The following OVCH2 variants were observed in gnomAD, a reference collection of about 807,000 sequenced individuals.
The protein encoded by OVCH2 is ovochymase 2.
In OVCH2, 88 loss-of-function variants were observed where a neutral mutation model predicts 73.7. The ratio of observed to expected loss-of-function variants is 1.19; its 90% confidence interval spans 1.01 to 1.43. The LOEUF (loss-of-function observed/expected upper bound fraction) is 1.43, where lower values mean the gene tolerates loss of function less well. Ranked by LOEUF, OVCH2 falls within the 40% of genes most tolerant of loss-of-function variation. OVCH2 has a pLI of 0.00. For synonymous variants in OVCH2, 265 were observed against 234.5 expected (o/e 1.13, Z -1.19); for missense variants, 706 against 674.5 (o/e 1.05, Z -0.52).
downstream of OVCH2, among the ~76,000 whole-genome samples, chr11:7,686,984 T>G (rs1856148625): frequency 6.6e-6 from 1 of 151,992 alleles, no homozygotes; most frequent in South Asian, 2.1e-4. Context: ...TCCTTAGAAT[T>G]CCTGGAGAGA....
chr11:7,695,316 G>A, intron 11 of OVCH2, 128 bp from the exon 12 acceptor site: 1 of 1,220,370 alleles, frequency 8.2e-7, no homozygotes, highest in Non-Finnish European at 1.1e-6. Flanking sequence ...AACAAGAAAA[G>A]ACGTAGTGCA....
At position 7,696,492 on chromosome 11, in the gene OVCH2, T is replaced by C. The variant is rs745400380; in HGVS notation, c.1114A>G (p.Met372Val). The C allele has an allele frequency of 1.9e-6, 3 of 1,614,004 alleles. No individual in the cohort carries two copies. The highest frequency in any genetic ancestry group is 2.2e-5 in the East Asian group (1 of 44,886). The change falls in exon 10 of 16, where the codon ATG becomes GTG. Residue 372 changes from methionine to valine, a missense_variant. By Grantham distance (21) the Met-to-Val change is conservative. Coordinates refer to ENST00000533663, the MANE Select transcript of OVCH2 (RefSeq NM_198185.7). ...ATGGGTCTGTCTTCTAAAGAATACA[T>C]TGACAGGTAACTGTGGTGACAAGAC... ...VESCHHSYLSMYSLEDRPIGK... is the reference protein window; with the variant it reads ...VESCHHSYLSVYSLEDRPIGK...
intron 7 of OVCH2, 99 bp from the exon 8 acceptor site, chr11:7,698,872 C>A: frequency 8.0e-7 from 1 of 1,252,054 alleles, no homozygotes; most frequent in South Asian, 1.4e-5. Context: ...ATTTTTAAGT[C>A]AATATGCAAC....
chr11:7,699,076 T>C (rs555086549), intron 7 of OVCH2: 2 of 296,754 alleles, frequency 6.7e-6, no homozygotes, highest in South Asian at 4.4e-5. Flanking sequence ...AGTTTGTCCA[T>C]AACTATAAAA....
intron 6 of OVCH2, 40 bp from the exon 7 acceptor site, chr11:7,700,525 G>A: frequency 6.5e-7 from 1 of 1,550,370 alleles, no homozygotes; most frequent in Non-Finnish European, 8.7e-7. Context: ...CACTGTCAGT[G>A]TCTATGCCCC....
the OVCH2 span, among the ~76,000 whole-genome samples, chr11:7,683,195 C>T: frequency 6.6e-6 from 1 of 152,166 alleles, no homozygotes; most frequent in Non-Finnish European, 1.5e-5. Context: ...TCCAACTGCC[C>T]ACTTGACATA....
chr11:7,695,588 T>A lies in OVCH2; in HGVS notation c.1264A>T (p.Lys422Ter). The A allele has an allele frequency of 6.2e-7, 1 of 1,613,708 alleles. No homozygotes were observed. Among genetic ancestry groups the A allele is most frequent in the Non-Finnish European group, 8.5e-7 (1 of 1,179,702 alleles). The change falls in exon 11 of 16, where the codon AAA becomes TAA. Residue 422 changes from lysine (K) to a stop codon, truncating the protein, a stop_gained. Coordinates refer to ENST00000533663, the MANE Select transcript of OVCH2 (RefSeq NM_198185.7). LOFTEE classifies it high-confidence loss of function. ...GTTTTACCAGGAATGTAGTTTGGTT[T>A]AAGAGCTTTATAGGTAAGATTAAAC... is the stretch of plus-strand genomic sequence containing the variant. ...AGFNLTYKAL[K>*]PNYIPDSGCS...
At chr11:7,691,559 A>G (rs946267228) in intron 13 of OVCH2, among the ~76,000 whole-genome samples, 159 bp from the exon 14 acceptor site, 3 of 152,214 alleles carry the variant, frequency 2.0e-5, no homozygotes, top group African/African-American at 2.4e-5. Flanking sequence ...TCCTTAATTA[A>G]CCCCATGACA....
the OVCH2 span, among the ~76,000 whole-genome samples, chr11:7,682,867 T>C: frequency 3.4e-4 from 52 of 152,342 alleles, no homozygotes; most frequent in African/African-American, 1.2e-3. Flanking sequence ...TTGTCTACAC[T>C]TGCAATCTCT....
At chr11:7,693,456 T>C (rs2136152527) in intron 12 of OVCH2, among the ~76,000 whole-genome samples, 1 of 152,336 alleles carries the variant, frequency 6.6e-6, no homozygotes, top group East Asian at 1.9e-4. Flanking sequence ...TGCAAAATGA[T>C]GCTGTCACTG....
At chr11:7,686,182 G>T (rs1856140090), downstream of OVCH2, among the ~76,000 whole-genome samples, 1 of 152,200 alleles carries the variant, frequency 6.6e-6, no homozygotes, top group African/African-American at 2.4e-5. Context: ...GAGGTATGAA[G>T]TCCTGCTCCA....
chr11:7,699,312 A>T (rs1856391886), intron 7 of OVCH2: 1 of 155,404 alleles, frequency 6.4e-6, no homozygotes, highest in Non-Finnish European at 1.4e-5. Flanking sequence ...TCAGTTTATC[A>T]CAAGGGTGTA....
At chr11:7,686,489 G>C (rs908749603), downstream of OVCH2, among the ~76,000 whole-genome samples, 2 of 152,172 alleles carry the variant, frequency 1.3e-5, no homozygotes. Flanking sequence ...GAACAAGCAA[G>C]TACTACCTAT....
downstream of OVCH2, among the ~76,000 whole-genome samples, chr11:7,688,561 T>C (rs1055744711): frequency 1.3e-5 from 2 of 152,178 alleles, no homozygotes; most frequent in Admixed American, 6.5e-5. Context: ...CTTTCATCCC[T>C]TCTTATGAAA....
At position 7,689,971 on chromosome 11, in the gene OVCH2, ATTGAT is replaced by A; in HGVS notation, c.1677_1681del (p.Glu559AspfsTer26). On this transcript the variant is annotated frameshift_variant, in exon 15 of 16. Transcript: ENST00000533663. LOFTEE classifies it high-confidence loss of function. ...TGGCACATCTCATGTCTCCAGAAAC[ATTGAT>A]TCATCCTCTGATATGGAGATGTTTA... 1 of 1,528,024 alleles carries A rather than the reference ATTGAT, an allele frequency of 6.5e-7. No homozygotes were observed. Among genetic ancestry groups the A allele is most frequent in the Non-Finnish European group, 8.8e-7 (1 of 1,139,606 alleles). The allele number at this position is 1,528,024 out of a possible 1,614,324, so 94.7% of individuals were successfully genotyped here. A position where few individuals can be genotyped will look rare whatever the true frequency, so the allele number is the denominator to read the frequency against.
At chr11:7,694,639 GA>G (rs1856290302) in intron 12 of OVCH2, among the ~76,000 whole-genome samples, 1 of 127,326 alleles carries the variant, frequency 7.9e-6, no homozygotes, top group Non-Finnish European at 1.8e-5. Flanking sequence ...TTTGTGTTTT[GA>G]GAGTTTCGCT....
At chr11:7,687,320 T>G (rs971170747), downstream of OVCH2, among the ~76,000 whole-genome samples, 1 of 149,676 alleles carries the variant, frequency 6.7e-6, no homozygotes, top group Admixed American at 6.6e-5. Flanking sequence ...ATAATAATAA[T>G]AATAATAATA....
In OVCH2 at chr11:7,701,547, T is replaced by C. The variant is rs938963548; in HGVS notation, c.560-72A>G. 3 of 1,547,476 alleles carry C rather than the reference T, an allele frequency of 1.9e-6. No individual in the cohort carries two copies. The African/African-American group carries it at 4.1e-5, about 21-fold the overall frequency. ...TTCTGAGTTGAAGATGCATCATTTG[T>C]GTTTGTGTCGCTTGGCAAGACTTGA... On this transcript the variant is annotated intron_variant, in intron 5 of 15. Coordinates refer to ENST00000533663, the MANE Select transcript of OVCH2 (RefSeq NM_198185.7).
intron 12 of OVCH2, among the ~76,000 whole-genome samples, chr11:7,692,997 C>T (rs536931239): frequency 2.6e-5 from 4 of 152,234 alleles, no homozygotes; most frequent in Middle Eastern, 3.4e-3. Flanking sequence ...GCATGGGGCA[C>T]TTGTTTTGTT....
Sources: gnomAD v4.1 joint callset for allele counts (sites outside exome capture counted in the v4.1 genomes callset) on GRCh38, gnomAD v4.1.1 for gene constraint, MANE v1.5 for transcripts, NCBI Gene and HGNC (gene_info 2026-07-23, HGNC 2026-07-21) for gene names.